DPYSL3: variants seen among roughly 807,000 people sequenced by gnomAD.
The protein encoded by DPYSL3 is dihydropyrimidinase-related protein 3.
DPYSL3 carries 16 observed loss-of-function variants against 66.1 expected under a neutral mutation model. The observed-to-expected ratio is 0.24, with a 90% CI of 0.16 to 0.37. The LOEUF (loss-of-function observed/expected upper bound fraction) is 0.37, where lower values mean the gene tolerates loss of function less well. Among genes scored for constraint, DPYSL3 ranks in the 10% least tolerant of loss-of-function variants. The pLI, the probability that DPYSL3 is intolerant of heterozygous loss-of-function variation, is 1.00. For missense variants in DPYSL3, 738 were observed against 916.2 expected (o/e 0.81, Z 2.51); for synonymous variants, 338 against 345.1 (o/e 0.98, Z 0.23).
intron 1 of DPYSL3, among the ~76,000 whole-genome samples, chr5:147,468,716 T>TTA (rs147816789): frequency 0.055 from 8,403 of 151,808 alleles, 703 homozygotes; most frequent in African/African-American, 0.17. Context: ...ATTTTTTTTC[T>TTA]TATATATATG....
At chr5:147,474,449 A>C (rs1428904951) in intron 1 of DPYSL3, among the ~76,000 whole-genome samples, 1 of 152,042 alleles carries the variant, frequency 6.6e-6, no homozygotes, top group Non-Finnish European at 1.5e-5. Context: ...AAGTACTTTT[A>C]CCATTCCCAT....
chr5:147,507,988 T>C (rs1753704819), intron 1 of DPYSL3, among the ~76,000 whole-genome samples: 1 of 152,214 alleles, frequency 6.6e-6, no homozygotes, highest in African/African-American at 2.4e-5. Context: ...AACATTTCAA[T>C]ATGGACAAGT....
chr5:147,494,588 G>A (rs900798343), intron 1 of DPYSL3, among the ~76,000 whole-genome samples: 3 of 151,492 alleles, frequency 2.0e-5, no homozygotes, highest in Admixed American at 6.6e-5. Flanking sequence ...AAAGGAGGCC[G>A]GGCCCGGTGG....
intron 1 of DPYSL3, among the ~76,000 whole-genome samples, chr5:147,436,115 C>T (rs185436101): frequency 6.6e-6 from 1 of 152,268 alleles, no homozygotes; most frequent in Non-Finnish European, 1.5e-5. Context: ...GCCCTAAGAG[C>T]TAAATGCAAC....
chr5:147,436,144 G>T (rs972400814), intron 1 of DPYSL3, among the ~76,000 whole-genome samples: 4 of 152,196 alleles, frequency 2.6e-5, no homozygotes, highest in African/African-American at 4.8e-5. Context: ...CAAGGGCAAA[G>T]AAACCAACTA....
intron 1 of DPYSL3, among the ~76,000 whole-genome samples, chr5:147,469,595 T>C (rs912631644): frequency 6.6e-6 from 1 of 152,224 alleles, no homozygotes; most frequent in Non-Finnish European, 1.5e-5. Flanking sequence ...GCACAGAATG[T>C]TATTGAGTGA....
At chr5:147,426,558 G>A (rs2126334699) in intron 1 of DPYSL3, among the ~76,000 whole-genome samples, 1 of 152,288 alleles carries the variant, frequency 6.6e-6, no homozygotes, top group South Asian at 2.1e-4. Flanking sequence ...TGAGGATTAA[G>A]AGTCACTGAT....
At chr5:147,395,538 T>C (rs1304285409) in intron 13 of DPYSL3, 21 bp downstream of exon 13, 1 of 1,598,648 alleles carries the variant, frequency 6.3e-7, no homozygotes, top group African/African-American at 1.3e-5. Flanking sequence ...TCTTATCTTT[T>C]GATGAGCCTG....
At chr5:147,490,522 C>A (rs138384990) in intron 1 of DPYSL3, among the ~76,000 whole-genome samples, 2 of 152,242 alleles carry the variant, frequency 1.3e-5, no homozygotes, top group Non-Finnish European at 2.9e-5. Flanking sequence ...GAAGATGCCA[C>A]AATGATCGAA....
At chr5:147,453,475 C>A in intron 1 of DPYSL3, 1 of 1,485,350 alleles carries the variant, frequency 6.7e-7, no homozygotes, top group South Asian at 1.3e-5. Context: ...CGGCGGGATC[C>A]GAGCCGACCC....
At chr5:147,460,017 A>G (rs1304124347) in intron 1 of DPYSL3, among the ~76,000 whole-genome samples, 1 of 152,100 alleles carries the variant, frequency 6.6e-6, no homozygotes, top group African/African-American at 2.4e-5. Flanking sequence ...AGGCTGAGGC[A>G]GGAGAATGGT....
intron 1 of DPYSL3, among the ~76,000 whole-genome samples, chr5:147,444,705 C>T (rs1752599263): frequency 1.3e-5 from 2 of 151,956 alleles, no homozygotes; most frequent in Admixed American, 1.3e-4. Context: ...GTTAACTGGC[C>T]CCACCCCTCA....
chr5:147,411,376 C>T (rs1751849577), intron 6 of DPYSL3, among the ~76,000 whole-genome samples: 2 of 152,156 alleles, frequency 1.3e-5, no homozygotes, highest in South Asian at 4.2e-4. Flanking sequence ...GTACTGCCTG[C>T]CCACAAGCCT....
rs543591951 is a variant in DPYSL3 at position 147,415,963 on chromosome 5, T to C, written c.656-90A>G. 6 of 1,396,672 alleles carry C rather than the reference T, an allele frequency of 4.3e-6. No individual in the cohort carries two copies. The Admixed American group carries it at 8.8e-5, about 20-fold the overall frequency. 86.5% of individuals were successfully genotyped at this position (1,396,672 alleles called of 1,614,324 possible). A position where few individuals can be genotyped will look rare whatever the true frequency, so the allele number is the denominator to read the frequency against. On this transcript the variant is annotated intron_variant, in intron 3 of 13. Transcript: ENST00000343218. ...CTGCTCCTGCTTGCTTAGCTGTGAC[T>C]GCAGAATCTCTATTTCCTGAGCATG...
Position 147,392,778 on chromosome 5 carries a change from C to T in DPYSL3, c.*1257G>A, listed in dbSNP as rs1392559250. On this transcript the variant is annotated 3_prime_UTR_variant, in exon 14 of 14. Transcript: ENST00000343218. The stretch of plus-strand genomic sequence containing the variant: ...TCTAGGACTGAGACACAAAGTTCCC[C>T]CAGAGTTTCTGCTAATGGAAGGGGA... The T allele has an allele frequency of 6.6e-6, 1 of 152,166 alleles. No homozygotes were observed. Among genetic ancestry groups the T allele is most frequent in the Non-Finnish European group, 1.5e-5 (1 of 68,048 alleles). The allele number at this position is 152,166 out of a possible 1,614,324, so 9.4% of individuals were successfully genotyped here.
chr5:147,473,525 A>G (rs1486732179), intron 1 of DPYSL3, among the ~76,000 whole-genome samples: 1 of 152,222 alleles, frequency 6.6e-6, no homozygotes, highest in East Asian at 1.9e-4. Context: ...ACAGGTGAAT[A>G]AACTTGAGAA....
chr5:147,421,098 T>C (rs1284144189), intron 2 of DPYSL3, among the ~76,000 whole-genome samples: 2 of 152,218 alleles, frequency 1.3e-5, no homozygotes, highest in East Asian at 1.9e-4. Flanking sequence ...GATGACATAA[T>C]TGTATATTTA....
intron 13 of DPYSL3, among the ~76,000 whole-genome samples, chr5:147,395,119 A>G (rs1581168183): frequency 3.9e-5 from 6 of 152,358 alleles, no homozygotes; most frequent in Non-Finnish European, 8.8e-5. Context: ...GGAATGGGAG[A>G]ATATAATAAA....
At chr5:147,453,665 C>A in intron 1 of DPYSL3, 1 of 1,476,840 alleles carries the variant, frequency 6.8e-7, no homozygotes, top group Non-Finnish European at 9.0e-7. Flanking sequence ...CCTCAGCGCA[C>A]AGCGCCCCGA....
Sources: allele counts gnomAD v4.1 joint callset (sites outside exome capture counted in the v4.1 genomes callset), GRCh38; gene constraint gnomAD v4.1.1; transcripts MANE v1.5; gene names NCBI Gene and HGNC (gene_info 2026-07-23, HGNC 2026-07-21).